TPTE2: variants seen among roughly 807,000 people sequenced by gnomAD.
TPTE2 encodes the protein transmembrane phosphoinositide 3-phosphatase and tensin homolog 2, also known as phosphatidylinositol 3,4,5-trisphosphate 3-phosphatase TPTE2.
TPTE2 carries 53 observed loss-of-function variants against 78.6 expected under a neutral mutation model. The observed-to-expected ratio is 0.67, with a 90% confidence interval of 0.54 to 0.85. The LOEUF (loss-of-function observed/expected upper bound fraction) is 0.85, where lower values mean the gene tolerates loss of function less well. TPTE2 is among the 40% of genes least tolerant of loss of function. The probability of loss-of-function intolerance (pLI) is 0.00; values close to 1 mark genes in which losing one functional copy is unlikely to be tolerated. For synonymous variants in TPTE2, 175 were observed against 206.2 expected (o/e 0.85, Z 1.30); for missense variants, 461 against 623.0 (o/e 0.74, Z 2.77).
intron 6 of TPTE2, among the ~76,000 whole-genome samples, chr13:19,470,396 G>C (rs769414467): frequency 6.6e-6 from 1 of 152,116 alleles, no homozygotes; most frequent in Non-Finnish European, 1.5e-5. Flanking sequence ...CATGATGAAT[G>C]ATCTTTCCCA....
At chr13:19,500,018 A>C (rs1593402150) in intron 1 of TPTE2, among the ~76,000 whole-genome samples, 2 of 148,904 alleles carry the variant, frequency 1.3e-5, no homozygotes, top group Non-Finnish European at 3.0e-5. Context: ...AATACTACAA[A>C]CACCTCTACG....
rs986006866 is a variant in TPTE2 at position 19,482,663 on chromosome 13, C to G, written c.120-116G>C. 1.4e-4 allele frequency: 187 copies of G among 1,303,474 alleles called. No individual in the cohort carries two copies. In the African/African-American group the frequency reaches 2.4e-3, roughly 16 times the overall value. 80.7% of individuals were successfully genotyped at this position (1,303,474 alleles called of 1,614,324 possible). On this transcript the variant is annotated intron_variant, in intron 3 of 19. Coordinates refer to ENST00000400230, the Ensembl canonical transcript of TPTE2. ...CCATGAATCTAAAGGATATAGTAAA[C>G]ATGACTTAGCTCACTGGAAGACCTA...
intron 15 of TPTE2, among the ~76,000 whole-genome samples, chr13:19,433,479 G>T (rs557155802): frequency 4.6e-4 from 70 of 152,220 alleles, no homozygotes; most frequent in African/African-American, 1.6e-3. Context: ...CTCTAGTCTG[G>T]GTGACAGAGC....
At chr13:19,468,938 T>C (rs1269759691) in intron 6 of TPTE2, among the ~76,000 whole-genome samples, 2 of 152,198 alleles carry the variant, frequency 1.3e-5, no homozygotes, top group Admixed American at 1.3e-4. Context: ...TTCAGATCGG[T>C]AGTTTGCAAA....
intron 1 of TPTE2, among the ~76,000 whole-genome samples, chr13:19,529,703 G>A (rs968348156): frequency 8.6e-5 from 13 of 152,040 alleles, no homozygotes; most frequent in Admixed American, 3.3e-4. Context: ...AGAGTTCAGC[G>A]GCCTAAATCA....
At chr13:19,513,993 T>C (rs1363331454) in intron 1 of TPTE2, among the ~76,000 whole-genome samples, 1 of 152,138 alleles carries the variant, frequency 6.6e-6, no homozygotes, top group Non-Finnish European at 1.5e-5. Flanking sequence ...TGATGATGGC[T>C]TTGAGTTTGG....
At chr13:19,521,111 G>A (rs1870119138) in intron 1 of TPTE2, among the ~76,000 whole-genome samples, 1 of 151,958 alleles carries the variant, frequency 6.6e-6, no homozygotes, top group Non-Finnish European at 1.5e-5. Flanking sequence ...GTTAAATCTA[G>A]TTGGTTTATA....
At chr13:19,550,897 T>C in the TPTE2 span, among the ~76,000 whole-genome samples, 767 of 152,202 alleles carry the variant, frequency 5.0e-3, 2 homozygotes, top group African/African-American at 0.018. Flanking sequence ...GTTCAGGTGA[T>C]TCTCCTGCCT....
chr13:19,445,468 G>A lies in TPTE2; in HGVS notation c.973+4608C>T, dbSNP rs1370153433. Among the ~76,000 whole-genome samples, 6 of 152,078 alleles carry A rather than the reference G, an allele frequency of 3.9e-5. No individual in the cohort carries two copies. In the South Asian group the frequency reaches 6.2e-4, roughly 16 times the overall value. ...GAATTGCAAGTATTGGGGAAGATAC[G>A]GAATGCTTGAAGTCTACAATACCAG... On this transcript the variant is annotated intron_variant, in intron 13 of 19. Coordinates refer to ENST00000400230, the Ensembl canonical transcript of TPTE2.
chr13:19,493,178 TA>T (rs1427277313), intron 2 of TPTE2, among the ~76,000 whole-genome samples: 2 of 11,792 alleles, frequency 1.7e-4, no homozygotes, highest in African/African-American at 3.2e-4. Context: ...GAAACTCTGT[TA>T]CAAAAAAAAA....
chr13:19,532,012 A>G (rs575498608), intron 1 of TPTE2, among the ~76,000 whole-genome samples: 7 of 152,334 alleles, frequency 4.6e-5, no homozygotes, highest in Admixed American at 3.3e-4. Flanking sequence ...GAAATAGACA[A>G]TAAAGAGTAT....
chr13:19,460,672 G>T lies in TPTE2; in HGVS notation c.741+3784C>A, dbSNP rs189277895. On this transcript the variant is annotated intron_variant, in intron 10 of 19. Coordinates refer to ENST00000400230, the Ensembl canonical transcript of TPTE2. ...TTCTGGGAAGTAGCTGAACTTGCAG[G>T]CCTGTCCTGTTCAGAACTGAGCTAA... Among the ~76,000 whole-genome samples the T allele has an allele frequency of 4.2e-3, 635 of 152,196 alleles. 5 individuals carry two copies. Among genetic ancestry groups the T allele is most frequent in the South Asian group, 0.026 (124 of 4,826 alleles).
Position 19,428,067 on chromosome 13 carries a change from G to T in TPTE2, c.1303-1550C>A, listed in dbSNP as rs1876274227. 2.0e-5 allele frequency among the ~76,000 whole-genome samples: 3 copies of T among 152,194 alleles called. No homozygotes were observed. The South Asian group carries it at 6.2e-4, about 32-fold the overall frequency. On this transcript the variant is annotated intron_variant, in intron 17 of 19. Transcript: ENST00000400230. Reference sequence around the variant, plus strand: ...AGGAGGTAGAAATTGAATTGGGCATGAAGCAGTTTAGATAAAGGAAGAAGA... The same window carrying T: ...AGGAGGTAGAAATTGAATTGGGCATTAAGCAGTTTAGATAAAGGAAGAAGA...
chr13:19,446,572 G>A (rs915890879), intron 13 of TPTE2, among the ~76,000 whole-genome samples: 2 of 152,162 alleles, frequency 1.3e-5, no homozygotes, highest in African/African-American at 4.8e-5. Context: ...GTATAGGGGT[G>A]AATTTCATAA....
At chr13:19,474,312 C>T (rs1879811402) in intron 5 of TPTE2, among the ~76,000 whole-genome samples, 1 of 152,184 alleles carries the variant, frequency 6.6e-6, no homozygotes, top group Non-Finnish European at 1.5e-5. Flanking sequence ...CACCAAACCA[C>T]TTCACAAGAT....
chr13:19,498,407 G>A (rs868850545), intron 1 of TPTE2, among the ~76,000 whole-genome samples: 1 of 151,504 alleles, frequency 6.6e-6, no homozygotes, highest in Non-Finnish European at 1.5e-5. Flanking sequence ...AGAAAGGTCG[G>A]GTTACCCTCA....
intron 1 of TPTE2, among the ~76,000 whole-genome samples, chr13:19,496,877 A>G (rs538620043): frequency 5.9e-5 from 9 of 152,240 alleles, no homozygotes; most frequent in African/African-American, 2.2e-4. Flanking sequence ...CTGCATTTCC[A>G]TCTGAGGTAC....
chr13:19,425,589 C>T lies in TPTE2; in HGVS notation c.1396-572G>A, dbSNP rs371683141. 2.8e-3 allele frequency: 1,002 copies of T among 357,516 alleles called. 7 individuals carry two copies. The highest frequency in any genetic ancestry group is 0.011 in the African/African-American group (540 of 46,982). The allele number at this position is 357,516 out of a possible 1,614,324, so 22.1% of individuals were successfully genotyped here. A position where few individuals can be genotyped will look rare whatever the true frequency, so the allele number is the denominator to read the frequency against. On this transcript the variant is annotated intron_variant, in intron 18 of 19. Coordinates refer to ENST00000400230, the Ensembl canonical transcript of TPTE2. Reference sequence around the variant, plus strand: ...ACTCATCCCACAGACCCCCATACTCCGCAGGGACCATGTGGATATATCAGT... The same window carrying T: ...ACTCATCCCACAGACCCCCATACTCTGCAGGGACCATGTGGATATATCAGT...
chr13:19,560,654 C>A, the TPTE2 span: 12 of 1,553,618 alleles, frequency 7.7e-6, no homozygotes, highest in African/African-American at 4.2e-5. Flanking sequence ...TCGGGCAAGG[C>A]ATAGAGCTTC....
Sources: gnomAD v4.1 joint callset for allele counts (sites outside exome capture counted in the v4.1 genomes callset) on GRCh38, gnomAD v4.1.1 for gene constraint, MANE v1.5 for transcripts, NCBI Gene and HGNC (gene_info 2026-07-23, HGNC 2026-07-21) for gene names.